The following SLIT3 variants were observed in gnomAD, a reference collection of about 807,000 sequenced individuals.
SLIT3 encodes the protein slit guidance ligand 3, also known as slit homolog 3 protein.
Under a neutral mutation model 184.0 loss-of-function variants are expected in SLIT3, and 68 were observed. That is an observed-to-expected ratio of 0.37 (90% CI 0.30 to 0.45). The LOEUF is 0.45. SLIT3 is among the 20% of genes least tolerant of loss of function. The pLI is 1.00. For synonymous variants in SLIT3, 831 were observed against 828.6 expected, an observed-to-expected ratio of 1.00 and a Z score of -0.05; for missense variants, 1,707 against 2,026.0, an observed-to-expected ratio of 0.84 and a Z score of 3.02.
rs142471713 is a variant in SLIT3, at chr5:169,141,168, A to G, written c.413+52311T>C. Reference sequence around the variant, plus strand: ...TGCTTTGGGGATCCTTTCTCCCTCAAAATAGAATAGAAATAGAATTAGGTC... The same window carrying G: ...TGCTTTGGGGATCCTTTCTCCCTCAGAATAGAATAGAAATAGAATTAGGTC... On this transcript the variant is annotated intron_variant, in intron 4 of 35. Transcript: ENST00000519560. 9.3e-4 allele frequency among the ~76,000 whole-genome samples: 141 copies of G among 152,272 alleles called. 5 individuals are homozygous for G. The highest frequency in any genetic ancestry group is 3.3e-3 in the African/African-American group (137 of 41,554).
chr5:169,137,862 C>T (rs1761580679), intron 4 of SLIT3, among the ~76,000 whole-genome samples: 1 of 152,150 alleles, frequency 6.6e-6, no homozygotes. Flanking sequence ...CTGGTCTTGA[C>T]CTGTGGGCTC....
chr5:168,809,952 CTT>C (rs945015949), intron 8 of SLIT3, among the ~76,000 whole-genome samples: 8 of 152,264 alleles, frequency 5.3e-5, no homozygotes, highest in African/African-American at 1.9e-4. Context: ...CTGCAGCTCT[CTT>C]CTTTCCACCA....
chr5:169,204,397 CA>C, intron 3 of SLIT3, among the ~76,000 whole-genome samples: 1 of 152,058 alleles, frequency 6.6e-6, no homozygotes, highest in African/African-American at 2.4e-5. Context: ...TTGAGACGTC[CA>C]AAATAAAGGA....
rs549724491 is a variant in SLIT3 at position 168,823,982 on chromosome 5, C to T, written c.558-651G>A. On this transcript the variant is annotated intron_variant, in intron 6 of 35. Transcript: ENST00000519560. The stretch of plus-strand genomic sequence containing the variant: ...TTTTATTTTGAGACGGGGTTTCGCT[C>T]TTGTCACCCAGGCTGGAGTGCAGTG... 3.3e-5 allele frequency among the ~76,000 whole-genome samples: 5 copies of T among 152,284 alleles called. No individual in the cohort carries two copies. The South Asian group carries it at 1.0e-3, about 32-fold the overall frequency.
intron 4 of SLIT3, among the ~76,000 whole-genome samples, chr5:169,180,874 G>A (rs1420290980): frequency 6.6e-6 from 1 of 152,190 alleles, no homozygotes; most frequent in African/African-American, 2.4e-5. Flanking sequence ...ACGCCCTTGA[G>A]AACTGGTGGT....
chr5:169,060,607 A>G (rs541000783), intron 4 of SLIT3, among the ~76,000 whole-genome samples: 1 of 152,300 alleles, frequency 6.6e-6, no homozygotes, highest in South Asian at 2.1e-4. Context: ...TGTGAGCGTC[A>G]TTAGCTGGGA....
intron 4 of SLIT3, among the ~76,000 whole-genome samples, chr5:169,176,495 C>A (rs1329783324): frequency 1.3e-5 from 2 of 152,048 alleles, no homozygotes; most frequent in African/African-American, 4.8e-5. Flanking sequence ...TAAGTGATAA[C>A]CATCCTAGAT....
intron 4 of SLIT3, among the ~76,000 whole-genome samples, chr5:168,927,150 T>TTGGTATATACATATAATGAGATATTAC (rs1761854749): frequency 6.6e-6 from 1 of 152,158 alleles, no homozygotes; most frequent in Non-Finnish European, 1.5e-5. Context: ...GGATAAACAT[T>TTGGTATATACATATAATGAGATATTAC]TGGTATATAC....
chr5:169,278,052 T>A (rs1766874451), intron 1 of SLIT3, among the ~76,000 whole-genome samples: 1 of 152,220 alleles, frequency 6.6e-6, no homozygotes, highest in Non-Finnish European at 1.5e-5. Context: ...TATAGCTTTG[T>A]TGAATGAATA....
chr5:168,721,847 C>A (rs1762952033), intron 23 of SLIT3, among the ~76,000 whole-genome samples: 1 of 152,124 alleles, frequency 6.6e-6, no homozygotes. Flanking sequence ...TGCAGAGGTT[C>A]ACCATGCTGC....
chr5:168,862,864 G>T (rs764007833), intron 5 of SLIT3, among the ~76,000 whole-genome samples: 1 of 152,038 alleles, frequency 6.6e-6, no homozygotes, highest in African/African-American at 2.4e-5. Flanking sequence ...TAGTAGAGAC[G>T]GGATTTCACC....
chr5:169,138,144 C>G (rs967943484), intron 4 of SLIT3, among the ~76,000 whole-genome samples: 1 of 152,200 alleles, frequency 6.6e-6, no homozygotes, highest in Non-Finnish European at 1.5e-5. Flanking sequence ...CCCAATTCCC[C>G]TTTTCTGTGT....
At chr5:168,828,509 A>G (rs1352206379) in intron 6 of SLIT3, among the ~76,000 whole-genome samples, 1 of 151,880 alleles carries the variant, frequency 6.6e-6, no homozygotes, top group Non-Finnish European at 1.5e-5. Flanking sequence ...AAAAAATAAA[A>G]ATTAGCTGGG....
intron 4 of SLIT3, among the ~76,000 whole-genome samples, chr5:168,925,856 A>G (rs891452414): frequency 6.6e-6 from 1 of 152,204 alleles, no homozygotes; most frequent in Non-Finnish European, 1.5e-5. Flanking sequence ...CTAACTACCA[A>G]AACAACACAT....
chr5:168,957,097 C>T (rs545161993), intron 4 of SLIT3, among the ~76,000 whole-genome samples: 78 of 151,870 alleles, frequency 5.1e-4, no homozygotes, highest in African/African-American at 1.6e-3. Context: ...GGCGTGGTGG[C>T]GGGTGCCTAT....
chr5:169,130,766 T>C (rs10475531), intron 4 of SLIT3, among the ~76,000 whole-genome samples: 7,490 of 152,150 alleles, frequency 0.049, 617 homozygotes, highest in African/African-American at 0.17. Flanking sequence ...GAAGGAAAAA[T>C]ACATTCTAGT....
intron 1 of SLIT3, among the ~76,000 whole-genome samples, chr5:169,267,304 A>C (rs1766432124): frequency 6.6e-6 from 1 of 152,210 alleles, no homozygotes; most frequent in Non-Finnish European, 1.5e-5. Flanking sequence ...AATTGAAATG[A>C]CCTGGTCAGA....
chr5:169,170,152 C>A lies in SLIT3; in HGVS notation c.413+23327G>T, dbSNP rs75261448. Among the ~76,000 whole-genome samples the A allele has an allele frequency of 3.9e-3, 592 of 152,308 alleles. 2 individuals are homozygous for A. The highest frequency in any genetic ancestry group is 0.014 in the African/African-American group (570 of 41,564). ...TGAAGATCAACTGATCACACTGACA[C>A]CCACATTTGAACACCTCATGCCGCC... is the stretch of plus-strand genomic sequence containing the variant. On this transcript the variant is annotated intron_variant, in intron 4 of 35. Transcript: ENST00000519560.
chr5:169,072,635 C>T (rs1758593951), intron 4 of SLIT3, among the ~76,000 whole-genome samples: 2 of 152,252 alleles, frequency 1.3e-5, no homozygotes, highest in South Asian at 4.2e-4. Context: ...ACATAGCCAC[C>T]CATGGAGGAG....
Sources: allele counts gnomAD v4.1 joint callset (sites outside exome capture counted in the v4.1 genomes callset), GRCh38; gene constraint gnomAD v4.1.1; transcripts MANE v1.5; gene names NCBI Gene and HGNC (gene_info 2026-07-23, HGNC 2026-07-21).